The following NUP58 variants were observed in gnomAD, a reference collection of about 807,000 sequenced individuals.
NUP58 encodes the protein nucleoporin 58, also known as nucleoporin p58/p45.
A neutral mutation model predicts 70.1 loss-of-function variants in NUP58; 17 were observed. The ratio of observed to expected loss-of-function variants is 0.24; its 90% CI spans 0.17 to 0.36. The LOEUF (loss-of-function observed/expected upper bound fraction) is 0.36, where lower values mean the gene tolerates loss of function less well. Among genes scored for constraint, NUP58 ranks in the 10% least tolerant of loss-of-function variants. The probability of loss-of-function intolerance (pLI) is 1.00; values close to 1 mark genes in which losing one functional copy is unlikely to be tolerated. For missense variants in NUP58, 644 were observed against 701.5 expected (o/e 0.92, Z 0.93); for synonymous variants, 275 against 257.6 (o/e 1.07, Z -0.65).
intron 1 of NUP58, among the ~76,000 whole-genome samples, chr13:25,305,130 GTTT>G (rs562132125): frequency 0.012 from 678 of 58,578 alleles, 24 homozygotes; most frequent in African/African-American, 0.032. Context: ...GATCTGTGGG[GTTT>G]TTTTTTTTTT....
Position 25,320,527 on chromosome 13 carries a change from T to C in NUP58, c.711-3T>C. The C allele has an allele frequency of 6.2e-7, 1 of 1,605,422 alleles. No homozygotes were observed. Among genetic ancestry groups the C allele is most frequent in the Non-Finnish European group, 8.5e-7 (1 of 1,173,822 alleles). ...CTTAATACATGTTTTGCATTTTTCTTAGGGATAGTAAAGCTCTGAAGGATG... is the reference window on the plus strand; with the variant it reads ...CTTAATACATGTTTTGCATTTTTCTCAGGGATAGTAAAGCTCTGAAGGATG... On this transcript the variant is annotated splice_region_variant and splice_polypyrimidine_tract_variant and intron_variant, in intron 7 of 15. Coordinates refer to ENST00000381736, the MANE Select transcript of NUP58 (RefSeq NM_014089.4).
chr13:25,329,201 T>A (rs191619530), intron 12 of NUP58, among the ~76,000 whole-genome samples: 32 of 152,308 alleles, frequency 2.1e-4, no homozygotes, highest in African/African-American at 6.5e-4. Context: ...TATTATGAAA[T>A]CTTTCAAATA....
intron 5 of NUP58, 69 bp from the exon 6 acceptor site, chr13:25,315,288 T>C: frequency 9.3e-7 from 1 of 1,069,712 alleles, no homozygotes; most frequent in South Asian, 1.4e-5. Flanking sequence ...AGCATTAGAG[T>C]CCTTTGATCA....
intron 3 of NUP58, chr13:25,309,566 C>G (rs943156881): frequency 3.2e-6 from 1 of 317,072 alleles, no homozygotes. Flanking sequence ...TCATTTGACT[C>G]CAGTTAGTGG....
chr13:25,341,145 T>G lies in NUP58; in HGVS notation c.*1011T>G, dbSNP rs2031943482. 6.6e-6 allele frequency: 1 copy of G among 152,354 alleles called. No homozygotes were observed. The highest frequency in any genetic ancestry group is 6.5e-5 in the Admixed American group (1 of 15,304). 9.4% of individuals were successfully genotyped at this position (152,354 alleles called of 1,614,324 possible). On this transcript the variant is annotated 3_prime_UTR_variant, in exon 16 of 16. Transcript: ENST00000381736. ...TTGGCCAACTCAACTTTATTGCCCC[T>G]GATCTTTTCCATTTTTGTTTCCACC...
At position 25,312,935 on chromosome 13, in the gene NUP58, T is replaced by C; in HGVS notation, c.339T>C (p.Asn113=). 1 of 1,614,138 alleles carries C rather than the reference T, an allele frequency of 6.2e-7. No homozygotes were observed. Among genetic ancestry groups the C allele is most frequent in the South Asian group, 1.1e-5 (1 of 91,070 alleles). ...AATTGFSLGF[N]KPAASATPFA... ...CAACAGGCTTCAGTTTAGGATTCAA[T>C]AAACCTGCAGCATCTGCCACACCAT... Residue 113 remains asparagine, a synonymous_variant, in exon 4 of 16, where the codon AAT becomes AAC. Coordinates refer to ENST00000381736, the MANE Select transcript of NUP58 (RefSeq NM_014089.4).
Position 25,336,982 on chromosome 13 carries a change from A to C in NUP58, c.1482A>C (p.Ser494=). ...LGVSFGTPFG[S]GIGTGLQSSG... The stretch of plus-strand genomic sequence containing the variant: ...TTAGTTTTGGAACGCCATTCGGCTC[A>C]GGTATTGGCACTGGCTTGCAATCAA... The change falls in exon 14 of 16, where the codon TCA becomes TCC. Residue 494 remains serine (S), a synonymous_variant. Coordinates refer to ENST00000381736, the MANE Select transcript of NUP58 (RefSeq NM_014089.4). The C allele has an allele frequency of 6.2e-7, 1 of 1,608,008 alleles. No individual in the cohort carries two copies. The highest frequency in any genetic ancestry group is 8.5e-7 in the Non-Finnish European group (1 of 1,178,286).
chr13:25,314,404 A>G (rs1017722505), intron 5 of NUP58, among the ~76,000 whole-genome samples: 5 of 152,072 alleles, frequency 3.3e-5, no homozygotes, highest in African/African-American at 4.8e-5. Flanking sequence ...ATAAAAGTAT[A>G]GATTTATTAG....
chr13:25,340,280 A>C lies in NUP58; in HGVS notation c.*146A>C. Reference sequence around the variant, plus strand: ...CTACTCTGGAATTTGAACTTTCTTCATGTTTGCCATACTGAACATCTTTTT... The same window carrying C: ...CTACTCTGGAATTTGAACTTTCTTCCTGTTTGCCATACTGAACATCTTTTT... On this transcript the variant is annotated 3_prime_UTR_variant, in exon 16 of 16. Coordinates refer to ENST00000381736, the MANE Select transcript of NUP58 (RefSeq NM_014089.4). The C allele has an allele frequency of 1.4e-6, 1 of 715,672 alleles. No individual in the cohort carries two copies. The highest frequency in any genetic ancestry group is 2.1e-6 in the Non-Finnish European group (1 of 477,734). 44.3% of individuals were successfully genotyped at this position (715,672 alleles called of 1,614,324 possible).
Position 25,312,224 on chromosome 13 carries a change from A to G in NUP58, c.287-659A>G, listed in dbSNP as rs73466665. Among the ~76,000 whole-genome samples, 750 of 152,220 alleles carry G rather than the reference A, an allele frequency of 4.9e-3. 4 individuals carry two copies. The highest frequency in any genetic ancestry group is 0.017 in the African/African-American group (702 of 41,536). On this transcript the variant is annotated intron_variant, in intron 3 of 15. Coordinates refer to ENST00000381736, the MANE Select transcript of NUP58 (RefSeq NM_014089.4). ...AGAGACACAAGGGCCAGAAGAAAGG[A>G]ATAGAGAATGGTTATTGATAGAGTA...
chr13:25,329,768 A>C (rs536883139), intron 12 of NUP58, among the ~76,000 whole-genome samples: 5 of 152,250 alleles, frequency 3.3e-5, no homozygotes, highest in African/African-American at 1.2e-4. Context: ...TGGAAGTTTT[A>C]GCAATTTGTT....
rs377200117 is a variant in NUP58, at chr13:25,312,981, A to C, written c.385A>C (p.Thr129Pro). The change falls in exon 4 of 16, where the codon ACC (threonine) becomes CCC (proline). Residue 129 changes from threonine to proline, a missense_variant. Physicochemically the swap from Thr to Pro is conservative, Grantham distance 38. This residue lies in a region of NUP58 where 430 missense variants were observed against 409.2 expected (regional missense o/e 1.05). Coordinates refer to ENST00000381736, the MANE Select transcript of NUP58 (RefSeq NM_014089.4). ...ACCATTTGCTCTACCTATTACCTCT[A>C]CCTCAGCTAGCGGTCTGACTCTTTC... Reference protein sequence around the residue: ...ATPFALPITSTSASGLTLSSA... With the variant: ...ATPFALPITSPSASGLTLSSA... The C allele has an allele frequency of 7.4e-6, 12 of 1,614,170 alleles. No homozygotes were observed. The South Asian group carries it at 1.2e-4, about 16-fold the overall frequency.
chr13:25,325,509 A>G (rs1167688774), intron 10 of NUP58, among the ~76,000 whole-genome samples: 2 of 152,256 alleles, frequency 1.3e-5, no homozygotes, highest in African/African-American at 4.8e-5. Flanking sequence ...TGTAAAATAT[A>G]TCTTGCCTGT....
intron 13 of NUP58, chr13:25,334,500 C>T (rs772530869): frequency 2.3e-5 from 23 of 984,938 alleles, no homozygotes; most frequent in Non-Finnish European, 2.8e-5. Flanking sequence ...AGTATTTCAT[C>T]TTAGTTTCTT....
intron 10 of NUP58, among the ~76,000 whole-genome samples, chr13:25,325,531 C>A (rs1461869933): frequency 6.6e-6 from 1 of 152,154 alleles, no homozygotes. Context: ...TATGTCCTTC[C>A]ATGTTGATGA....
At chr13:25,343,847 A>G (rs958886790), downstream of NUP58, among the ~76,000 whole-genome samples, 23 of 146,638 alleles carry the variant, frequency 1.6e-4, no homozygotes, top group Non-Finnish European at 3.3e-4. Context: ...ATATACGCAC[A>G]CACACACATA....
At chr13:25,336,440 A>G in intron 13 of NUP58, 1 of 461,216 alleles carries the variant, frequency 2.2e-6, no homozygotes. Flanking sequence ...TTATGAAATA[A>G]CATGATAGTT....
At chr13:25,311,166 A>G (rs1160573130) in intron 3 of NUP58, among the ~76,000 whole-genome samples, 4 of 152,160 alleles carry the variant, frequency 2.6e-5, no homozygotes, top group Non-Finnish European at 5.9e-5. Context: ...TCTGGGAAAT[A>G]TGAAGTATTT....
intron 13 of NUP58, chr13:25,332,490 GTCTT>G (rs1217043398): frequency 2.0e-6 from 2 of 983,972 alleles, no homozygotes; most frequent in Admixed American, 6.2e-5. Flanking sequence ...AATAGCATGT[GTCTT>G]TCTGAGAGTT....
Sources: allele counts gnomAD v4.1 joint callset (sites outside exome capture counted in the v4.1 genomes callset), GRCh38; gene constraint gnomAD v4.1.1; regional missense constraint gnomAD v4.1.1; transcripts MANE v1.5; gene names NCBI Gene and HGNC (gene_info 2026-07-23, HGNC 2026-07-21).